The following KIR3DL3 variants were observed in gnomAD, a reference collection of about 807,000 sequenced individuals.
KIR3DL3 encodes the protein killer cell immunoglobulin like receptor, three Ig domains and long cytoplasmic tail 3, also known as killer cell immunoglobulin-like receptor 3DL3.
A neutral mutation model predicts 34.9 loss-of-function variants in KIR3DL3; 27 were observed. The ratio of observed to expected loss-of-function variants is 0.77; its 90% confidence interval spans 0.57 to 1.07. The LOEUF is 1.07. Among genes scored for constraint, KIR3DL3 ranks in the 50% least tolerant of loss-of-function variants. The probability of loss-of-function intolerance (pLI) is 0.00; values close to 1 mark genes in which losing one functional copy is unlikely to be tolerated. For missense variants in KIR3DL3, 681 were observed against 528.5 expected (o/e 1.29, Z -2.83); for synonymous variants, 217 against 200.2 (o/e 1.08, Z -0.71).
At chr19:54,724,625 AGTG>A in intron 1 of KIR3DL3, 95 bp downstream of exon 1, 1 of 1,521,296 alleles carries the variant, frequency 6.6e-7, no homozygotes, top group Non-Finnish European at 8.8e-7. Context: ...ATGGGCCTGG[AGTG>A]GAGATATAGG....
chr19:54,734,497 C>T (rs1379765453), intron 5 of KIR3DL3, among the ~76,000 whole-genome samples: 1 of 151,868 alleles, frequency 6.6e-6, no homozygotes, highest in African/African-American at 2.4e-5. Context: ...AGCAGCCCAG[C>T]CTGGGTTTTG....
intron 4 of KIR3DL3, among the ~76,000 whole-genome samples, chr19:54,728,326 C>A (rs2068425543): frequency 6.8e-6 from 1 of 147,716 alleles, no homozygotes; most frequent in African/African-American, 2.5e-5. Context: ...CCATGTGGCC[C>A]CAGGCTGGTG....
chr19:54,725,434 G>T, intron 2 of KIR3DL3, 152 bp downstream of exon 2: 2 of 690,256 alleles, frequency 2.9e-6, no homozygotes, highest in South Asian at 5.3e-5. Flanking sequence ...GAAGCCAGGG[G>T]AAGCTTCGCC....
intron 4 of KIR3DL3, among the ~76,000 whole-genome samples, chr19:54,729,127 A>G (rs1408300361): frequency 6.7e-6 from 1 of 149,292 alleles, no homozygotes; most frequent in Non-Finnish European, 1.5e-5. Flanking sequence ...ACATACATAG[A>G]TAAATGATAG....
In KIR3DL3 at chr19:54,726,336, A is replaced by T. The variant is rs1329220225; in HGVS notation, c.354A>T (p.Thr118=). The change falls in exon 3 of 8, where the codon ACA becomes ACT. Residue 118 remains threonine (T), a splice_region_variant and synonymous_variant. Transcript: ENST00000291860. ...APSNPVVIMV[T]GVHRKPSLLA... ...GCAACCCTGTGGTGATCATGGTCACAGGTCAGAGGCTTTCTGTCTGGGCTT... is the reference window on the plus strand; with the variant it reads ...GCAACCCTGTGGTGATCATGGTCACTGGTCAGAGGCTTTCTGTCTGGGCTT... 6.2e-7 allele frequency: 1 copy of T among 1,612,676 alleles called. No homozygotes were observed. The highest frequency in any genetic ancestry group is 8.5e-7 in the Non-Finnish European group (1 of 1,179,718).
chr19:54,735,824 T>C lies in KIR3DL3; in HGVS notation c.1059T>C (p.Ala353=). The change falls in exon 7 of 8, where the codon GCT becomes GCC. Residue 353 remains alanine, a synonymous_variant. Transcript: ENST00000291860. ...LHRWCANKKN[A]VVMDQEPAGN... ...GACGACTTCCGTCTTCTACAGATGC[T>C]GTTGTAATGGACCAAGAGCCTGCAG... is the stretch of plus-strand genomic sequence containing the variant. 1 of 1,607,472 alleles carries C rather than the reference T, an allele frequency of 6.2e-7. No individual in the cohort carries two copies. The highest frequency in any genetic ancestry group is 8.5e-7 in the Non-Finnish European group (1 of 1,178,108).
chr19:54,727,303 C>T (rs1380088407), intron 3 of KIR3DL3, among the ~76,000 whole-genome samples: 11 of 121,762 alleles, frequency 9.0e-5, no homozygotes, highest in Admixed American at 6.9e-4. Context: ...TGCAGCCTGT[C>T]ATGGTTCCTC....
chr19:54,726,818 C>T (rs369465101), intron 3 of KIR3DL3, among the ~76,000 whole-genome samples: 3 of 128,524 alleles, frequency 2.3e-5, no homozygotes, highest in East Asian at 4.3e-4. Flanking sequence ...CTGATTCTTC[C>T]CTGAGTCTCC....
intron 5 of KIR3DL3, among the ~76,000 whole-genome samples, chr19:54,734,200 T>C (rs2069165909): frequency 6.6e-6 from 1 of 151,734 alleles, no homozygotes; most frequent in Non-Finnish European, 1.5e-5. Flanking sequence ...GTAGAAACTG[T>C]AAAGCACATT....
chr19:54,735,747 G>A, intron 6 of KIR3DL3, 73 bp from the exon 7 acceptor site: 1 of 1,551,916 alleles, frequency 6.4e-7, no homozygotes, highest in Non-Finnish European at 8.8e-7. Context: ...CCCCCTGTAT[G>A]TTGGTATCTG....
At chr19:54,728,433 A>G (rs2068439483) in intron 4 of KIR3DL3, among the ~76,000 whole-genome samples, 1 of 147,852 alleles carries the variant, frequency 6.8e-6, no homozygotes, top group African/African-American at 2.5e-5. Context: ...GAGGGAGCAG[A>G]ACACCAACCC....
intron 5 of KIR3DL3, among the ~76,000 whole-genome samples, chr19:54,731,244 G>A (rs1229341282): frequency 1.6e-4 from 25 of 152,136 alleles, no homozygotes; most frequent in African/African-American, 5.1e-4. Flanking sequence ...GACCTCAAGT[G>A]ACCTACCCAC....
chr19:54,726,753 A>T, intron 3 of KIR3DL3, among the ~76,000 whole-genome samples: 1 of 139,170 alleles, frequency 7.2e-6, no homozygotes, highest in African/African-American at 2.7e-5. Context: ...AAGATGGGGG[A>T]AGGCCATGAG....
In KIR3DL3 at chr19:54,724,488, G is replaced by A. The variant is rs372292788; in HGVS notation, c.-9G>A. 89 of 1,613,220 alleles carry A rather than the reference G, an allele frequency of 5.5e-5. No individual in the cohort carries two copies. The highest frequency in any genetic ancestry group is 4.5e-4 in the African/African-American group (34 of 74,990). On this transcript the variant is annotated 5_prime_UTR_variant, in exon 1 of 8. Coordinates refer to ENST00000291860, the MANE Select transcript of KIR3DL3 (RefSeq NM_153443.5). ...TGGGGCGCAGCCGCCTGTCTGCACC[G>A]GCAGCACCATGTCGCTCATGGTCGT...
At chr19:54,732,771 G>A (rs1162536012) in intron 5 of KIR3DL3, among the ~76,000 whole-genome samples, 2 of 152,220 alleles carry the variant, frequency 1.3e-5, no homozygotes, top group Non-Finnish European at 2.9e-5. Context: ...TCAAATGCTG[G>A]GAATGAGATG....
At chr19:54,734,474 G>C (rs1188698821) in intron 5 of KIR3DL3, among the ~76,000 whole-genome samples, 1 of 151,878 alleles carries the variant, frequency 6.6e-6, no homozygotes, top group African/African-American at 2.4e-5. Flanking sequence ...AGTGTATCTG[G>C]GGGAAATCAA....
chr19:54,729,477 C>A lies in KIR3DL3; in HGVS notation c.656-16C>A. On this transcript the variant is annotated splice_polypyrimidine_tract_variant and intron_variant, in intron 4 of 7. Transcript: ENST00000291860. ...AGGAAGAACCTCCCTGAGGAAACCA[C>A]CTCTTCTTCTTCCAGGTCTATATGG... The A allele has an allele frequency of 6.4e-7, 1 of 1,561,838 alleles. No individual in the cohort carries two copies. The highest frequency in any genetic ancestry group is 8.6e-7 in the Non-Finnish European group (1 of 1,161,922).
In KIR3DL3 at chr19:54,728,397, C is replaced by A. The variant is rs772521181; in HGVS notation, c.655+487C>A. On this transcript the variant is annotated intron_variant, in intron 4 of 7. Coordinates refer to ENST00000291860, the MANE Select transcript of KIR3DL3 (RefSeq NM_153443.5). ...GCCTTCCGTGCAGTGGAGCTGTCATCGTCCCAGGACACCATGGCCCCAGGT... is the reference window on the plus strand; with the variant it reads ...GCCTTCCGTGCAGTGGAGCTGTCATAGTCCCAGGACACCATGGCCCCAGGT... Among the ~76,000 whole-genome samples the A allele has an allele frequency of 3.3e-3, 491 of 147,008 alleles. 2 individuals are homozygous for A. The highest frequency in any genetic ancestry group is 5.1e-3 in the Non-Finnish European group (341 of 66,902).
rs1232712594 is a variant in KIR3DL3, at chr19:54,726,324, G to C, written c.342G>C (p.Val114=). ...GGTCGGCACCCAGCAACCCTGTGGT[G>C]ATCATGGTCACAGGTCAGAGGCTTT... ...TGWSAPSNPV[V]IMVTGVHRKP... is the part of the protein sequence containing the mutation. The change falls in exon 3 of 8, where the codon GTG becomes GTC. Residue 114 remains valine, a synonymous_variant. Transcript: ENST00000291860. The C allele has an allele frequency of 2.5e-6, 4 of 1,613,438 alleles. No homozygotes were observed. The highest frequency in any genetic ancestry group is 1.3e-5 in the African/African-American group (1 of 74,780).
Sources: gnomAD v4.1 joint callset for allele counts (sites outside exome capture counted in the v4.1 genomes callset) on GRCh38, gnomAD v4.1.1 for gene constraint, MANE v1.5 for transcripts, NCBI Gene and HGNC (gene_info 2026-07-23, HGNC 2026-07-21) for gene names.